Variants in RABGAP1L observed in about 807,000 individuals in gnomAD.
RABGAP1L encodes RAB GTPase activating protein 1 like.
In RABGAP1L, 63 loss-of-function variants were observed where a neutral mutation model predicts 137.7. That is an observed-to-expected ratio of 0.46 (90% CI 0.37 to 0.56). RABGAP1L has a LOEUF of 0.56. Among genes scored for constraint, RABGAP1L ranks in the 20% least tolerant of loss-of-function variants. RABGAP1L has a pLI of 0.00. For synonymous variants in RABGAP1L, 431 were observed against 433.7 expected (o/e 0.99, Z 0.08); for missense variants, 1,095 against 1,244.0 (o/e 0.88, Z 1.80).
At chr1:174,977,774 G>A (rs947727822) in intron 22 of RABGAP1L, among the ~76,000 whole-genome samples, 5 of 152,172 alleles carry the variant, frequency 3.3e-5, no homozygotes, top group Non-Finnish European at 7.4e-5. Flanking sequence ...GAAGGTTATT[G>A]TTTATGTCCT....
At chr1:174,291,657 T>G (rs971786051) in intron 10 of RABGAP1L, among the ~76,000 whole-genome samples, 1 of 152,172 alleles carries the variant, frequency 6.6e-6, no homozygotes, top group Non-Finnish European at 1.5e-5. Flanking sequence ...TTATTCCACT[T>G]ATTATTTTTT....
chr1:174,610,187 T>C (rs923834288), intron 13 of RABGAP1L, among the ~76,000 whole-genome samples: 3 of 149,874 alleles, frequency 2.0e-5, no homozygotes, highest in Non-Finnish European at 3.0e-5. Flanking sequence ...GTATATCTCC[T>C]AATGCTATCC....
intron 7 of RABGAP1L, among the ~76,000 whole-genome samples, chr1:174,268,598 G>GAT (rs1237459663): frequency 1.3e-5 from 2 of 152,068 alleles, no homozygotes; most frequent in Non-Finnish European, 2.9e-5. Flanking sequence ...TCTTCATGGA[G>GAT]ATATATGTAA....
intron 20 of RABGAP1L, among the ~76,000 whole-genome samples, chr1:174,964,185 A>G (rs1574026408): frequency 1.3e-5 from 2 of 152,266 alleles, no homozygotes; most frequent in Admixed American, 1.3e-4. Flanking sequence ...CCAAAAGAAA[A>G]TATGTGAGAG....
chr1:174,172,448 G>A (rs1369141495), intron 1 of RABGAP1L, among the ~76,000 whole-genome samples: 4 of 152,130 alleles, frequency 2.6e-5, no homozygotes, highest in African/African-American at 9.7e-5. Flanking sequence ...TAATGTCTGT[G>A]TAGCAATTTA....
At chr1:174,481,685 A>G (rs1406876608) in intron 13 of RABGAP1L, among the ~76,000 whole-genome samples, 1 of 152,192 alleles carries the variant, frequency 6.6e-6, no homozygotes, top group East Asian at 1.9e-4. Flanking sequence ...TAGCTTCTGC[A>G]ATGCTGTGCA....
At chr1:174,672,281 C>CTTTTTTTTT in intron 14 of RABGAP1L, among the ~76,000 whole-genome samples, 1 of 118,386 alleles carries the variant, frequency 8.4e-6, no homozygotes, top group Non-Finnish European at 1.7e-5. Context: ...TTTTTCCTTT[C>CTTTTTTTTT]TTTTTTTTTT....
intron 13 of RABGAP1L, among the ~76,000 whole-genome samples, chr1:174,466,969 A>G (rs1181261580): frequency 1.3e-5 from 2 of 152,172 alleles, no homozygotes; most frequent in East Asian, 1.9e-4. Flanking sequence ...TGATATATAA[A>G]TCATCCCTCA....
At chr1:174,579,769 T>C (rs539835369) in intron 13 of RABGAP1L, among the ~76,000 whole-genome samples, 17 of 152,282 alleles carry the variant, frequency 1.1e-4, no homozygotes, top group African/African-American at 4.1e-4. Context: ...TGGATTTGTT[T>C]TGTTTTGTTT....
chr1:174,296,039 G>A (rs1188362939), intron 10 of RABGAP1L, among the ~76,000 whole-genome samples: 3 of 152,172 alleles, frequency 2.0e-5, no homozygotes, highest in Non-Finnish European at 2.9e-5. Context: ...TGGAGAGGAG[G>A]AGGATTGAGC....
chr1:174,417,011 A>G (rs181831600), intron 13 of RABGAP1L, among the ~76,000 whole-genome samples: 3 of 152,260 alleles, frequency 2.0e-5, no homozygotes, highest in East Asian at 1.9e-4. Flanking sequence ...CGTATACACC[A>G]TCACAAGTTT....
At position 174,433,040 on chromosome 1, in the gene RABGAP1L, AG is replaced by A. The variant is rs549434340; in HGVS notation, c.1710+38896del. Among the ~76,000 whole-genome samples, 13 of 152,352 alleles carry A rather than the reference AG, an allele frequency of 8.5e-5. 1 individual carries two copies. In the South Asian group the frequency reaches 2.5e-3, roughly 29 times the overall value. On this transcript the variant is annotated intron_variant, in intron 13 of 25. Coordinates refer to ENST00000681986, the MANE Select transcript of RABGAP1L (RefSeq NM_001366446.1). ...TACTATCAGTGAGCTTTGAATGAAT[AG>A]CCACTGTATGCTTTACATGCTTTAA...
At chr1:174,492,792 G>A (rs1358247475) in intron 13 of RABGAP1L, among the ~76,000 whole-genome samples, 2 of 151,788 alleles carry the variant, frequency 1.3e-5, no homozygotes, top group Admixed American at 6.6e-5. Flanking sequence ...TAAGTCCTAC[G>A]GATTTTAAAA....
rs118174789 is a variant in RABGAP1L, at chr1:174,188,662, T to C, written c.-34+29005T>C. On this transcript the variant is annotated intron_variant, in intron 1 of 25. Coordinates refer to ENST00000681986, the MANE Select transcript of RABGAP1L (RefSeq NM_001366446.1). ...TCCTGTTTAGCTTGGTACTTTGCCG[T>C]TAGAACTCTTGAGTGACCAGGTGCA... Among the ~76,000 whole-genome samples, 63 of 152,330 alleles carry C rather than the reference T, an allele frequency of 4.1e-4. 1 individual carries two copies. In the East Asian group the frequency reaches 0.012, roughly 29 times the overall value.
At chr1:174,476,976 T>C (rs916503214) in intron 13 of RABGAP1L, among the ~76,000 whole-genome samples, 4 of 152,124 alleles carry the variant, frequency 2.6e-5, no homozygotes, top group Non-Finnish European at 5.9e-5. Context: ...TTAATTTGGG[T>C]TATTTGTGAC....
chr1:174,672,707 A>G (rs1363641793), intron 14 of RABGAP1L, among the ~76,000 whole-genome samples: 3 of 151,654 alleles, frequency 2.0e-5, no homozygotes, highest in Admixed American at 6.6e-5. Flanking sequence ...TAATTTTTTC[A>G]TTGACTTATT....
At chr1:174,428,888 C>T (rs1473794592) in intron 13 of RABGAP1L, among the ~76,000 whole-genome samples, 1 of 152,044 alleles carries the variant, frequency 6.6e-6, no homozygotes, top group Non-Finnish European at 1.5e-5. Context: ...GTATATTTGC[C>T]ATATTAATCT....
Position 174,664,730 on chromosome 1 carries a change from C to CTTTTTTTTT in RABGAP1L, c.1825-18789_1825-18788insTTTTTTTTT, listed in dbSNP as rs747671420. On this transcript the variant is annotated intron_variant, in intron 14 of 25. Coordinates refer to ENST00000681986, the MANE Select transcript of RABGAP1L (RefSeq NM_001366446.1). The stretch of plus-strand genomic sequence containing the variant: ...CTCTCTCTTTCTTTCTTTCTTTCTG[C>CTTTTTTTTT]TTTCTTTTTTTTTTTTTTTTTTTTT... 4.7e-3 allele frequency among the ~76,000 whole-genome samples: 467 copies of CTTTTTTTTT among 98,784 alleles called. 64 individuals carry two copies. The highest frequency in any genetic ancestry group is 0.025 in the African/African-American group (383 of 15,594). 64.8% of individuals were successfully genotyped at this position (98,784 alleles called of 152,430 possible). A position where few individuals can be genotyped will look rare whatever the true frequency, so the allele number is the denominator to read the frequency against.
chr1:174,538,112 G>A (rs747851198), intron 13 of RABGAP1L, among the ~76,000 whole-genome samples: 8 of 152,134 alleles, frequency 5.3e-5, no homozygotes, highest in Middle Eastern at 3.4e-3. Context: ...CTCGTCATAC[G>A]TGCTGTGGTA....
Sources: allele counts gnomAD v4.1 joint callset (sites outside exome capture counted in the v4.1 genomes callset), GRCh38; gene constraint gnomAD v4.1.1; transcripts MANE v1.5; gene names NCBI Gene and HGNC (gene_info 2026-07-23, HGNC 2026-07-21).